The following CACNA1D variants were observed in gnomAD, a reference collection of about 807,000 sequenced individuals.
CACNA1D encodes voltage-dependent L-type calcium channel subunit alpha-1D.
In CACNA1D, 55 loss-of-function variants were observed where a neutral mutation model predicts 257.1. The ratio of observed to expected loss-of-function variants is 0.21; its 90% CI spans 0.17 to 0.27. The LOEUF (loss-of-function observed/expected upper bound fraction) is 0.27. Ranked by LOEUF, CACNA1D falls within the 10% of genes least tolerant of loss-of-function variation. CACNA1D has a pLI of 1.00. For missense variants in CACNA1D, 1,876 were observed against 2,784.0 expected (o/e 0.67, Z 7.34); for synonymous variants, 980 against 1,014.9 (o/e 0.97, Z 0.65).
At chr3:53,608,325 A>G (rs767296948) in intron 3 of CACNA1D, among the ~76,000 whole-genome samples, 9 of 152,180 alleles carry the variant, frequency 5.9e-5, no homozygotes, top group Non-Finnish European at 1.0e-4. Context: ...CAGCTTTTGT[A>G]TATTGACTCT....
At chr3:53,683,690 A>G (rs2094451377) in intron 8 of CACNA1D, among the ~76,000 whole-genome samples, 1 of 149,850 alleles carries the variant, frequency 6.7e-6, no homozygotes, top group South Asian at 2.3e-4. Flanking sequence ...GATGGACATA[A>G]TAAAAGAATA....
At chr3:53,546,341 A>G (rs1177722152) in intron 3 of CACNA1D, among the ~76,000 whole-genome samples, 1 of 148,804 alleles carries the variant, frequency 6.7e-6, no homozygotes, top group African/African-American at 2.5e-5. Context: ...GAGCTGCACT[A>G]GGGCCCTCCT....
At chr3:53,587,577 G>C (rs1408992384) in intron 3 of CACNA1D, among the ~76,000 whole-genome samples, 1 of 152,192 alleles carries the variant, frequency 6.6e-6, no homozygotes, top group African/African-American at 2.4e-5. Context: ...GCTCCAAAGA[G>C]AGAAGTGGGC....
At chr3:53,629,438 A>G (rs553804095) in intron 3 of CACNA1D, among the ~76,000 whole-genome samples, 1 of 152,378 alleles carries the variant, frequency 6.6e-6, no homozygotes, top group Admixed American at 6.5e-5. Context: ...TGAGTATCCA[A>G]CATAGGATAA....
intron 8 of CACNA1D, among the ~76,000 whole-genome samples, chr3:53,685,652 G>A (rs968052080): frequency 2.6e-5 from 4 of 152,064 alleles, no homozygotes; most frequent in African/African-American, 9.7e-5. Context: ...TAAAACAGAA[G>A]CCAATAACAG....
intron 4 of CACNA1D, among the ~76,000 whole-genome samples, chr3:53,654,317 A>T (rs1225449904): frequency 1.3e-5 from 2 of 152,220 alleles, no homozygotes; most frequent in African/African-American, 4.8e-5. Context: ...TCGTTTAAAA[A>T]TTTCTTTAAA....
At chr3:53,635,348 C>T (rs941163702) in intron 3 of CACNA1D, among the ~76,000 whole-genome samples, 1 of 152,196 alleles carries the variant, frequency 6.6e-6, no homozygotes, top group Admixed American at 6.5e-5. Context: ...TTCTGTCTGA[C>T]CTGATGCCCC....
intron 28 of CACNA1D, among the ~76,000 whole-genome samples, chr3:53,752,314 T>C (rs1462533945): frequency 6.6e-6 from 1 of 152,212 alleles, no homozygotes; most frequent in East Asian, 1.9e-4. Flanking sequence ...TTGATTTCTT[T>C]ATCAGTAAAA....
chr3:53,612,678 A>G (rs1037299220), intron 3 of CACNA1D, among the ~76,000 whole-genome samples: 3 of 152,120 alleles, frequency 2.0e-5, no homozygotes, highest in African/African-American at 4.8e-5. Flanking sequence ...CAGACTCCCT[A>G]CATTCCAGAC....
Position 53,722,342 on chromosome 3 carries a change from A to C in CACNA1D, c.1534A>C (p.Asn512His), listed in dbSNP as rs2094891093. 5 of 1,614,250 alleles carry C rather than the reference A, an allele frequency of 3.1e-6. No individual in the cohort carries two copies. Among genetic ancestry groups the C allele is most frequent in the Non-Finnish European group, 3.4e-6 (4 of 1,180,056 alleles). ...ACGCTGGCGTCGCTGGAACCGATTC[A>C]ATCGCAGAAGATGTAGGGCCGCCGT... is the stretch of plus-strand genomic sequence containing the variant. ...SRRWRRWNRFNRRRCRAAVKS... is the reference protein window; with the variant it reads ...SRRWRRWNRFHRRRCRAAVKS... Residue 512 changes from asparagine (N) to histidine (H), a missense_variant, in exon 12 of 48, where the codon AAT becomes CAT. Coordinates refer to ENST00000350061, the MANE Select transcript of CACNA1D (RefSeq NM_001128840.3).
intron 3 of CACNA1D, among the ~76,000 whole-genome samples, chr3:53,547,408 A>G (rs2092435304): frequency 1.3e-5 from 2 of 152,224 alleles, no homozygotes; most frequent in Admixed American, 6.5e-5. Context: ...TATGGCGTCA[A>G]TTGATTCTCT....
chr3:53,605,898 A>G lies in CACNA1D; in HGVS notation c.484-44881A>G, dbSNP rs2093503784. Reference sequence around the variant, plus strand: ...GTCCCAGGACCAAGCCCTTGGGGAAAGAAGGTATCATGCTTTCCTGAAGTG... The same window carrying G: ...GTCCCAGGACCAAGCCCTTGGGGAAGGAAGGTATCATGCTTTCCTGAAGTG... On this transcript the variant is annotated intron_variant, in intron 3 of 47. Transcript: ENST00000350061. 1.3e-5 allele frequency among the ~76,000 whole-genome samples: 2 copies of G among 152,192 alleles called. 1 individual carries two copies. Among genetic ancestry groups the G allele is most frequent in the East Asian group, 3.9e-4 (2 of 5,184 alleles).
At chr3:53,678,113 C>G (rs138399876) in intron 8 of CACNA1D, among the ~76,000 whole-genome samples, 66 of 152,254 alleles carry the variant, frequency 4.3e-4, no homozygotes, top group Non-Finnish European at 5.4e-4. Context: ...GTGAAAAGCC[C>G]AAGTTATATT....
Position 53,810,280 on chromosome 3 carries a change from G to C in CACNA1D, c.6174G>C (p.Ala2058=), listed in dbSNP as rs781755322. The change falls in exon 47 of 48, where the codon GCG becomes GCC. Residue 2058 remains alanine (A), a synonymous_variant. Transcript: ENST00000350061. ...RNKNSDKQRS[A]DSLVEAVLIS... ...AAAACAGCGACAAGCAGAGGAGTGC[G>C]GACAGCTTGGTGGAGGCAGTGAGTA... is the stretch of plus-strand genomic sequence containing the variant. 1.9e-6 allele frequency: 3 copies of C among 1,613,648 alleles called. No individual in the cohort carries two copies. The highest frequency in any genetic ancestry group is 8.5e-7 in the Non-Finnish European group (1 of 1,180,012).
chr3:53,799,032 C>A (rs111236050), intron 40 of CACNA1D, among the ~76,000 whole-genome samples: 1 of 152,204 alleles, frequency 6.6e-6, no homozygotes, highest in Non-Finnish European at 1.5e-5. Context: ...TTTTCCTTTG[C>A]AAACCACCCT....
intron 22 of CACNA1D, among the ~76,000 whole-genome samples, chr3:53,744,318 ATC>A (rs2095146388): frequency 6.7e-6 from 1 of 149,280 alleles, no homozygotes; most frequent in East Asian, 2.0e-4. Flanking sequence ...GGGATTGCCC[ATC>A]TCTCCACCAG....
intron 3 of CACNA1D, among the ~76,000 whole-genome samples, chr3:53,552,741 G>T (rs1057256025): frequency 9.2e-5 from 14 of 151,860 alleles, no homozygotes; most frequent in Non-Finnish European, 1.9e-4. Flanking sequence ...TATTTATTTT[G>T]CTTGGCATTG....
Position 53,754,593 on chromosome 3 carries a change from G to A in CACNA1D, c.3786+911G>A, listed in dbSNP as rs189880155. 1.4e-3 allele frequency among the ~76,000 whole-genome samples: 208 copies of A among 152,208 alleles called. 3 individuals carry two copies. Among genetic ancestry groups the A allele is most frequent in the Non-Finnish European group, 1.6e-3 (111 of 68,012 alleles). On this transcript the variant is annotated intron_variant, in intron 29 of 47. Coordinates refer to ENST00000350061, the MANE Select transcript of CACNA1D (RefSeq NM_001128840.3). ...CTGTCGGCCACTGCTGTTCCTACCCGCACCACCACCCTCATCATCATCAAG... is the reference window on the plus strand; with the variant it reads ...CTGTCGGCCACTGCTGTTCCTACCCACACCACCACCCTCATCATCATCAAG...
chr3:53,801,484 T>A (rs1191166143), intron 42 of CACNA1D, 59 bp downstream of exon 42: 232 of 1,603,556 alleles, frequency 1.4e-4, no homozygotes, highest in Admixed American at 2.3e-4. Flanking sequence ...TTGCGTCTAG[T>A]CCCAAGGAGC....
Sources: gnomAD v4.1 joint callset for allele counts (sites outside exome capture counted in the v4.1 genomes callset) on GRCh38, gnomAD v4.1.1 for gene constraint, MANE v1.5 for transcripts, NCBI Gene and HGNC (gene_info 2026-07-23, HGNC 2026-07-21) for gene names.